LMTK2: variants seen among roughly 807,000 people sequenced by gnomAD.
The protein encoded by LMTK2 is serine/threonine-protein kinase LMTK2.
Under a neutral mutation model 127.5 loss-of-function variants are expected in LMTK2, and 37 were observed. The ratio of observed to expected loss-of-function variants is 0.29; its 90% CI spans 0.22 to 0.38. The LOEUF (loss-of-function observed/expected upper bound fraction) is 0.38. LMTK2 is among the 10% of genes least tolerant of loss of function. LMTK2 has a pLI of 1.00. For synonymous variants in LMTK2, 819 were observed against 810.1 expected, an observed-to-expected ratio of 1.01 and a Z score of -0.19; for missense variants, 1,694 against 1,920.3, an observed-to-expected ratio of 0.88 and a Z score of 2.20.
rs557884800 is a variant in LMTK2 at position 98,169,146 on chromosome 7, C to T, written c.658-2395C>T. Among the ~76,000 whole-genome samples the T allele has an allele frequency of 3.3e-5, 5 of 152,160 alleles. No individual in the cohort carries two copies. The South Asian group carries it at 1.0e-3, about 32-fold the overall frequency. ...GACCTTTCTGAAACATAGAACTAAC[C>T]CTGGATCCTACACAATCCATGACAA... On this transcript the variant is annotated intron_variant, in intron 6 of 13. Coordinates refer to ENST00000297293, the MANE Select transcript of LMTK2 (RefSeq NM_014916.4).
Position 98,187,110 on chromosome 7 carries a change from A to C in LMTK2, c.998+112A>C, listed in dbSNP as rs1291035244. The C allele has an allele frequency of 4.2e-6, 4 of 949,660 alleles. No individual in the cohort carries two copies. In the South Asian group the frequency reaches 7.1e-5, roughly 17 times the overall value. 58.8% of individuals were successfully genotyped at this position (949,660 alleles called of 1,614,324 possible). On this transcript the variant is annotated intron_variant, in intron 9 of 13. Coordinates refer to ENST00000297293, the MANE Select transcript of LMTK2 (RefSeq NM_014916.4). Reference sequence around the variant, plus strand: ...GTTGTATAAGATGTAGGAACAAAAGAGTATCTGATGGTGTGAAAAAGACAG... The same window carrying C: ...GTTGTATAAGATGTAGGAACAAAAGCGTATCTGATGGTGTGAAAAAGACAG...
intron 4 of LMTK2, among the ~76,000 whole-genome samples, chr7:98,152,576 C>A (rs1371173587): frequency 6.6e-6 from 1 of 152,128 alleles, no homozygotes; most frequent in African/African-American, 2.4e-5. Context: ...TCAAACAAAA[C>A]CCTGTCTTCA....
chr7:98,184,999 A>C (rs1797411452), intron 7 of LMTK2, 52 bp from the exon 8 acceptor site: 1 of 1,327,978 alleles, frequency 7.5e-7, no homozygotes, highest in East Asian at 2.3e-5. Flanking sequence ...TCCATACAGC[A>C]TGATCCTGGT....
rs200086012 is a variant in LMTK2 at position 98,191,860 on chromosome 7, G to A, written c.1395G>A (p.Val465=). Residue 465 remains valine (V), a synonymous_variant, in exon 11 of 14, where the codon GTG becomes GTA. Coordinates refer to ENST00000297293, the MANE Select transcript of LMTK2 (RefSeq NM_014916.4). ...GTGAAATGGAGGAAGTCCTCACCGTGACCGAAACCAGCCAGGGCCTGAGCT... is the reference window on the plus strand; with the variant it reads ...GTGAAATGGAGGAAGTCCTCACCGTAACCGAAACCAGCCAGGGCCTGAGCT... ...LGREMEEVLT[V]TETSQGLSFE... 9.3e-6 allele frequency: 15 copies of A among 1,614,202 alleles called. No individual in the cohort carries two copies. The East Asian group carries it at 3.1e-4, about 34-fold the overall frequency.
At chr7:98,137,185 C>G in intron 1 of LMTK2, 130 bp from the exon 2 acceptor site, 1 of 788,434 alleles carries the variant, frequency 1.3e-6, no homozygotes, top group East Asian at 2.8e-5. Context: ...GATGGATCAT[C>G]AGCTTTTTCT....
Position 98,206,720 on chromosome 7 carries a change from C to T in LMTK2, c.*1228C>T, listed in dbSNP as rs904501280. 1 of 152,304 alleles carries T rather than the reference C, an allele frequency of 6.6e-6. No homozygotes were observed. Among genetic ancestry groups the T allele is most frequent in the Non-Finnish European group, 1.5e-5 (1 of 68,138 alleles). The allele number at this position is 152,304 out of a possible 1,614,324, so 9.4% of individuals were successfully genotyped here. ...GTGGGGACTTGAGCTTTAAAAAAACCTCCACAGCCGAATCTTCTCCTCCGA... is the reference window on the plus strand; with the variant it reads ...GTGGGGACTTGAGCTTTAAAAAAACTTCCACAGCCGAATCTTCTCCTCCGA... On this transcript the variant is annotated 3_prime_UTR_variant, in exon 14 of 14. Transcript: ENST00000297293.
At position 98,185,037 on chromosome 7, in the gene LMTK2, C is replaced by A; in HGVS notation, c.792-14C>A. On this transcript the variant is annotated splice_polypyrimidine_tract_variant and intron_variant, in intron 7 of 13. Transcript: ENST00000297293. The stretch of plus-strand genomic sequence containing the variant: ...TTGATTCTTCTTGCCATGTTCACTT[C>A]CCTCTGTTTTCAGTGATTTAGCCCT... 1 of 1,590,072 alleles carries A rather than the reference C, an allele frequency of 6.3e-7. No homozygotes were observed. The highest frequency in any genetic ancestry group is 8.6e-7 in the Non-Finnish European group (1 of 1,158,878).
At chr7:98,120,697 A>G (rs1796348472) in intron 1 of LMTK2, among the ~76,000 whole-genome samples, 1 of 152,160 alleles carries the variant, frequency 6.6e-6, no homozygotes, top group African/African-American at 2.4e-5. Flanking sequence ...CCCCTGTAGA[A>G]GGGTTCCCTA....
rs6977106 is a variant in LMTK2, at chr7:98,145,333, C to T, written c.376+3792C>T. ...AAAAGGATTTTTGATGCACAGGATTCCTAATTTTAATATAGTAAATTTTAC... is the reference window on the plus strand; with the variant it reads ...AAAAGGATTTTTGATGCACAGGATTTCTAATTTTAATATAGTAAATTTTAC... On this transcript the variant is annotated intron_variant, in intron 3 of 13. Coordinates refer to ENST00000297293, the MANE Select transcript of LMTK2 (RefSeq NM_014916.4). 7.2e-3 allele frequency among the ~76,000 whole-genome samples: 1,091 copies of T among 151,354 alleles called. 5 individuals are homozygous for T. The highest frequency in any genetic ancestry group is 0.02 in the Middle Eastern group (6 of 294).
chr7:98,183,533 A>G (rs1244009965), intron 7 of LMTK2, among the ~76,000 whole-genome samples: 1 of 152,026 alleles, frequency 6.6e-6, no homozygotes. Context: ...GATTACAGGC[A>G]TGCACCACCA....
chr7:98,117,853 G>A (rs1318762849), intron 1 of LMTK2, among the ~76,000 whole-genome samples: 2 of 152,124 alleles, frequency 1.3e-5, no homozygotes, highest in African/African-American at 2.4e-5. Flanking sequence ...TGTAATCCCA[G>A]CTACTCGGGA....
intron 7 of LMTK2, among the ~76,000 whole-genome samples, chr7:98,181,469 A>C (rs1797354399): frequency 1.3e-5 from 2 of 152,190 alleles, no homozygotes; most frequent in South Asian, 4.1e-4. Context: ...GGGACCTCAA[A>C]TACTCAATAC....
In LMTK2 at chr7:98,200,707, A is replaced by G. The variant is rs183844775; in HGVS notation, c.4108-2867A>G. Among the ~76,000 whole-genome samples, 369 of 152,364 alleles carry G rather than the reference A, an allele frequency of 2.4e-3. 2 individuals carry two copies. The highest frequency in any genetic ancestry group is 4.0e-3 in the Non-Finnish European group (274 of 68,036). On this transcript the variant is annotated intron_variant, in intron 11 of 13. Transcript: ENST00000297293. Reference sequence around the variant, plus strand: ...TTATATGAAATGGCATCATATTTGCATATAACCTACACACATCCTCCTGCA... The same window carrying G: ...TTATATGAAATGGCATCATATTTGCGTATAACCTACACACATCCTCCTGCA...
chr7:98,123,083 C>G (rs1173203746), intron 1 of LMTK2, among the ~76,000 whole-genome samples: 1 of 152,120 alleles, frequency 6.6e-6, no homozygotes, highest in Non-Finnish European at 1.5e-5. Context: ...TAGTGAATCC[C>G]TGTCCTGTCC....
chr7:98,142,568 G>A (rs1332792656), intron 3 of LMTK2, among the ~76,000 whole-genome samples: 1 of 152,104 alleles, frequency 6.6e-6, no homozygotes, highest in Non-Finnish European at 1.5e-5. Context: ...ATTGTTGCTT[G>A]TTTGATAATT....
intron 1 of LMTK2, among the ~76,000 whole-genome samples, chr7:98,116,449 CGT>C (rs1226788910): frequency 6.6e-6 from 1 of 150,770 alleles, no homozygotes; most frequent in Non-Finnish European, 1.5e-5. Context: ...TTTGTGTCCG[CGT>C]GTGTGTGTGT....
At chr7:98,136,405 A>G (rs1236647422) in intron 1 of LMTK2, among the ~76,000 whole-genome samples, 2 of 152,218 alleles carry the variant, frequency 1.3e-5, no homozygotes, top group African/African-American at 2.4e-5. Flanking sequence ...AGATGCAGAA[A>G]ACTGGTGTGC....
rs747336917 is a variant in LMTK2 at position 98,151,374 on chromosome 7, C to T, written c.377-8C>T. The T allele has an allele frequency of 3.3e-5, 52 of 1,587,770 alleles. No individual in the cohort carries two copies. The highest frequency in any genetic ancestry group is 1.5e-4 in the Admixed American group (9 of 58,260). On this transcript the variant is annotated splice_region_variant and splice_polypyrimidine_tract_variant and intron_variant, in intron 3 of 13. Coordinates refer to ENST00000297293, the MANE Select transcript of LMTK2 (RefSeq NM_014916.4). ...TATATTTCATTTTTAATGTTTTTTT[C>T]TCTACAGAGGGATTGAAGTCTCAAG...
At chr7:98,163,144 G>A (rs909835637) in intron 6 of LMTK2, among the ~76,000 whole-genome samples, 1 of 152,190 alleles carries the variant, frequency 6.6e-6, no homozygotes. Flanking sequence ...GAAATGGGGA[G>A]TTGTTTAATG....
Sources: allele counts gnomAD v4.1 joint callset (sites outside exome capture counted in the v4.1 genomes callset), GRCh38; gene constraint gnomAD v4.1.1; transcripts MANE v1.5; gene names NCBI Gene and HGNC (gene_info 2026-07-23, HGNC 2026-07-21).